The following HLCS variants were observed in gnomAD, a reference collection of about 807,000 sequenced individuals.
HLCS encodes biotin--protein ligase.
In HLCS, 53 loss-of-function variants were observed where a neutral mutation model predicts 75.0. The observed-to-expected ratio is 0.71, with a 90% CI of 0.57 to 0.89. The LOEUF (loss-of-function observed/expected upper bound fraction) is 0.89. Among genes scored for constraint, HLCS ranks in the 40% least tolerant of loss-of-function variants. HLCS has a pLI of 0.00. For missense variants in HLCS, 966 were observed against 1,074.0 expected, an observed-to-expected ratio of 0.90 and a Z score of 1.41; for synonymous variants, 431 against 428.6, an observed-to-expected ratio of 1.01 and a Z score of -0.07.
intron 5 of HLCS, among the ~76,000 whole-genome samples, chr21:36,899,762 G>A (rs2065159570): frequency 6.6e-6 from 1 of 152,296 alleles, no homozygotes; most frequent in East Asian, 1.9e-4. Context: ...GATCAAAGGG[G>A]TCAAAATTCC....
At chr21:36,975,390 G>C (rs2068908775) in intron 1 of HLCS, among the ~76,000 whole-genome samples, 1 of 152,188 alleles carries the variant, frequency 6.6e-6, no homozygotes, top group South Asian at 2.1e-4. Context: ...TAGCACGACA[G>C]CCTGCTGGAT....
chr21:36,987,663 A>G (rs2069252819), intron 1 of HLCS, among the ~76,000 whole-genome samples: 1 of 152,092 alleles, frequency 6.6e-6, no homozygotes, highest in Admixed American at 6.6e-5. Context: ...TTTCTCCACT[A>G]TAAAGGTTCC....
rs114800872 is a variant in HLCS at position 36,889,862 on chromosome 21, A to G, written c.1892+6998T>C. Among the ~76,000 whole-genome samples the G allele has an allele frequency of 9.5e-3, 1,443 of 152,310 alleles. 27 individuals are homozygous for G. Among genetic ancestry groups the G allele is most frequent in the African/African-American group, 0.033 (1,358 of 41,560 alleles). On this transcript the variant is annotated intron_variant, in intron 6 of 10. Transcript: ENST00000674895. The stretch of plus-strand genomic sequence containing the variant: ...TCTCTGGCGTGAAACAAAACTGGCA[A>G]TACACACAGCATGGTGATATGGTTA...
intron 6 of HLCS, among the ~76,000 whole-genome samples, chr21:36,805,112 G>C (rs946443653): frequency 6.6e-6 from 1 of 152,164 alleles, no homozygotes; most frequent in African/African-American, 2.4e-5. Flanking sequence ...TGCATGGCTA[G>C]CCCTAGGCGA....
chr21:36,893,564 A>G (rs544684899), intron 6 of HLCS, among the ~76,000 whole-genome samples: 1 of 152,312 alleles, frequency 6.6e-6, no homozygotes, highest in South Asian at 2.1e-4. Context: ...CAGTTTGTCC[A>G]TGGACAGGGG....
chr21:36,776,690 G>C (rs916944074), intron 6 of HLCS, among the ~76,000 whole-genome samples: 4 of 152,206 alleles, frequency 2.6e-5, no homozygotes, highest in African/African-American at 9.6e-5. Flanking sequence ...TGGGATTACA[G>C]GCGTGAGCCA....
At chr21:36,780,505 A>G (rs1042118932) in intron 6 of HLCS, among the ~76,000 whole-genome samples, 1 of 152,068 alleles carries the variant, frequency 6.6e-6, no homozygotes, top group African/African-American at 2.4e-5. Context: ...GGCATAAGCC[A>G]CCGCACCCGG....
chr21:36,798,435 G>T (rs1218147063), intron 6 of HLCS, among the ~76,000 whole-genome samples: 3 of 152,084 alleles, frequency 2.0e-5, no homozygotes, highest in Admixed American at 2.0e-4. Context: ...TCCAGTTTGG[G>T]GTTATTCAAA....
chr21:36,841,685 A>T (rs555210863), intron 6 of HLCS, among the ~76,000 whole-genome samples: 1 of 152,332 alleles, frequency 6.6e-6, no homozygotes, highest in African/African-American at 2.4e-5. Context: ...GCAACGTACG[A>T]TTCTTGTGAA....
At chr21:36,967,338 G>C (rs1453172932), upstream of HLCS, among the ~76,000 whole-genome samples, 2 of 152,144 alleles carry the variant, frequency 1.3e-5, no homozygotes, top group African/African-American at 4.8e-5. Context: ...ATAAGGACAG[G>C]AAACAGAAAT....
At chr21:36,902,747 T>G (rs2065290425) in intron 5 of HLCS, among the ~76,000 whole-genome samples, 1 of 152,182 alleles carries the variant, frequency 6.6e-6, no homozygotes, top group African/African-American at 2.4e-5. Context: ...GAGAATCTTC[T>G]GAGCAGCGCC....
At chr21:36,898,707 G>A (rs1316509713) in intron 5 of HLCS, among the ~76,000 whole-genome samples, 1 of 152,152 alleles carries the variant, frequency 6.6e-6, no homozygotes, top group African/African-American at 2.4e-5. Context: ...AAATCTGAAT[G>A]TGAACAGTAT....
In HLCS at chr21:36,963,287, G is replaced by A. The variant is rs73389820; in HGVS notation, c.196-1117C>T. Among the ~76,000 whole-genome samples the A allele has an allele frequency of 7.4e-3, 1,134 of 152,270 alleles. 14 individuals carry two copies. Among genetic ancestry groups the A allele is most frequent in the African/African-American group, 0.026 (1,092 of 41,550 alleles). On this transcript the variant is annotated intron_variant, in intron 1 of 10. Transcript: ENST00000674895. ...GAGAAGAAAAAGATGAAATCTGAGC[G>A]GGGTATGCAGGAGGCTTTCACCATC... is the stretch of plus-strand genomic sequence containing the variant.
intron 6 of HLCS, among the ~76,000 whole-genome samples, chr21:36,846,706 T>C (rs1447634994): frequency 2.0e-5 from 3 of 152,196 alleles, no homozygotes; most frequent in African/African-American, 7.2e-5. Flanking sequence ...AAGAACTGTT[T>C]TTCCCTTACA....
chr21:36,790,235 C>G (rs994665616), intron 6 of HLCS, among the ~76,000 whole-genome samples: 1 of 152,112 alleles, frequency 6.6e-6, no homozygotes, highest in Non-Finnish European at 1.5e-5. Flanking sequence ...GAAACCCTGT[C>G]TCTACTAAAA....
intron 6 of HLCS, among the ~76,000 whole-genome samples, chr21:36,810,535 T>C (rs1189171234): frequency 5.3e-5 from 8 of 152,170 alleles, no homozygotes; most frequent in Non-Finnish European, 1.2e-4. Context: ...CCAACGAGGT[T>C]CTCCCACCAT....
At chr21:36,757,326 C>T (rs1446008632) in intron 9 of HLCS, among the ~76,000 whole-genome samples, 6 of 152,110 alleles carry the variant, frequency 3.9e-5, no homozygotes, top group Non-Finnish European at 8.8e-5. Flanking sequence ...GGCAAGACGC[C>T]GACTCATGTT....
At chr21:36,817,361 T>C (rs564138621) in intron 6 of HLCS, among the ~76,000 whole-genome samples, 17 of 152,332 alleles carry the variant, frequency 1.1e-4, no homozygotes, top group African/African-American at 4.1e-4. Flanking sequence ...TTCACCTTAA[T>C]TTGATTTTCT....
chr21:36,949,412 T>C (rs758754412), intron 2 of HLCS, among the ~76,000 whole-genome samples: 9 of 152,164 alleles, frequency 5.9e-5, no homozygotes, highest in Non-Finnish European at 1.2e-4. Context: ...CATGTGGATC[T>C]CGCCACAGGG....
Sources: gnomAD v4.1 joint callset for allele counts (sites outside exome capture counted in the v4.1 genomes callset) on GRCh38, gnomAD v4.1.1 for gene constraint, MANE v1.5 for transcripts, NCBI Gene and HGNC (gene_info 2026-07-23, HGNC 2026-07-21) for gene names.